CNTNAP3B: variants seen among roughly 807,000 people sequenced by gnomAD.
The protein encoded by CNTNAP3B is contactin-associated protein-like 3B.
Under a neutral mutation model 108.9 loss-of-function variants are expected in CNTNAP3B, and 25 were observed. That is an observed-to-expected ratio of 0.23 (90% CI 0.17 to 0.32). The LOEUF (loss-of-function observed/expected upper bound fraction) is 0.32, where lower values mean the gene tolerates loss of function less well. Among genes scored for constraint, CNTNAP3B ranks in the 10% least tolerant of loss-of-function variants. The pLI is 1.00. For missense variants in CNTNAP3B, 252 were observed against 1,210.4 expected (o/e 0.21, Z 11.75); for synonymous variants, 103 against 473.4 (o/e 0.22, Z 10.16).
At chr9:41,940,809 C>T (rs1461218342) in intron 13 of CNTNAP3B, among the ~76,000 whole-genome samples, 23 of 152,216 alleles carry the variant, frequency 1.5e-4, no homozygotes, top group African/African-American at 5.5e-4. Context: ...AGTGAGACTC[C>T]ATCTCCAAAA....
intron 17 of CNTNAP3B, among the ~76,000 whole-genome samples, chr9:41,921,772 C>G (rs1044500002): frequency 3.3e-5 from 5 of 151,330 alleles, no homozygotes; most frequent in African/African-American, 1.2e-4. Context: ...AAACAAGGAG[C>G]CTGTGATGAG....
At chr9:41,925,461 T>C (rs1304364747) in intron 15 of CNTNAP3B, among the ~76,000 whole-genome samples, 4 of 152,240 alleles carry the variant, frequency 2.6e-5, no homozygotes, top group South Asian at 4.2e-4. Context: ...GGCATGGTGG[T>C]GGGTGCCTGT....
intron 12 of CNTNAP3B, among the ~76,000 whole-genome samples, chr9:41,958,020 C>T (rs1587144697): frequency 6.6e-6 from 1 of 152,280 alleles, no homozygotes; most frequent in South Asian, 2.1e-4. Flanking sequence ...CCTCAGCCTC[C>T]CACAGTGCTG....
intron 1 of CNTNAP3B, among the ~76,000 whole-genome samples, chr9:42,112,650 G>T (rs1325565473): frequency 7.3e-6 from 1 of 136,860 alleles, no homozygotes; most frequent in Non-Finnish European, 1.6e-5. Flanking sequence ...GTTACACGTT[G>T]TCTCTCCTTC....
intron 9 of CNTNAP3B, chr9:41,975,139 G>C (rs1825500910): frequency 5.2e-6 from 1 of 193,548 alleles, no homozygotes; most frequent in South Asian, 7.0e-5. Flanking sequence ...CACCTGCAGG[G>C]GCTTCGAGAC....
chr9:41,952,984 C>A (rs553357563), intron 13 of CNTNAP3B, among the ~76,000 whole-genome samples, 199 bp downstream of exon 13: 1 of 152,350 alleles, frequency 6.6e-6, no homozygotes, highest in African/African-American at 2.4e-5. Context: ...ACGCGCTGAA[C>A]GTCTCTCAAC....
intron 14 of CNTNAP3B, among the ~76,000 whole-genome samples, chr9:41,934,108 T>TATATATATATATATATATATATATAC (rs2118028990): frequency 7.8e-6 from 1 of 127,556 alleles, no homozygotes; most frequent in South Asian, 2.4e-4. Flanking sequence ...TACATATATA[T>TATATATATATATATATATATATATAC]ATATATATAT....
At chr9:41,926,952 C>A (rs1326380036) in intron 15 of CNTNAP3B, among the ~76,000 whole-genome samples, 3 of 152,422 alleles carry the variant, frequency 2.0e-5, no homozygotes, top group Admixed American at 6.5e-5. Context: ...GTCAGAGTAT[C>A]AATAGGCAGG....
At chr9:42,026,261 TC>T (rs376704377) in intron 3 of CNTNAP3B, among the ~76,000 whole-genome samples, 1,493 of 27,512 alleles carry the variant, frequency 0.054, 161 homozygotes, top group East Asian at 0.11. Flanking sequence ...GGATTTTTTT[TC>T]CTTAAAATCT....
At chr9:42,109,391 C>A (rs1177131465) in intron 1 of CNTNAP3B, among the ~76,000 whole-genome samples, 1 of 147,674 alleles carries the variant, frequency 6.8e-6, no homozygotes, top group Admixed American at 6.7e-5. Context: ...TAAACATAAA[C>A]CATGCATTTT....
At chr9:41,941,618 CT>C (rs1824345677) in intron 13 of CNTNAP3B, among the ~76,000 whole-genome samples, 2 of 126,240 alleles carry the variant, frequency 1.6e-5, no homozygotes, top group Non-Finnish European at 3.3e-5. Flanking sequence ...AAAAGCTGCA[CT>C]AACTAAAAAT....
intron 2 of CNTNAP3B, among the ~76,000 whole-genome samples, chr9:42,086,550 T>C (rs1387675563): frequency 8.0e-6 from 1 of 124,924 alleles, no homozygotes; most frequent in South Asian, 2.6e-4. Context: ...GTTCAAGCGA[T>C]TCTCCTGCCT....
In CNTNAP3B at chr9:42,120,550, A is replaced by G. The variant is rs1040568478; in HGVS notation, c.85+8460T>C. On this transcript the variant is annotated intron_variant, in intron 1 of 23. Transcript: ENST00000377561. Reference sequence around the variant, plus strand: ...TATGTTTATTGCGGGACTATTCACAATAGCAAGACTTGGAACCAACCCAAA... The same window carrying G: ...TATGTTTATTGCGGGACTATTCACAGTAGCAAGACTTGGAACCAACCCAAA... 4.3e-5 allele frequency among the ~76,000 whole-genome samples: 6 copies of G among 138,308 alleles called. 1 individual carries two copies. The highest frequency in any genetic ancestry group is 1.4e-4 in the Admixed American group (2 of 13,904). The allele number at this position is 138,308 out of a possible 152,430, so 90.7% of individuals were successfully genotyped here.
At chr9:41,957,846 C>T (rs139000775) in intron 12 of CNTNAP3B, among the ~76,000 whole-genome samples, 17,876 of 145,370 alleles carry the variant, frequency 0.12, 120 homozygotes, top group Middle Eastern at 0.19. Context: ...CTGCAAGCTC[C>T]GCCTCCTGGA....
At chr9:42,110,605 C>CCA (rs1828176455) in intron 1 of CNTNAP3B, among the ~76,000 whole-genome samples, 1 of 137,286 alleles carries the variant, frequency 7.3e-6, no homozygotes, top group Non-Finnish European at 1.5e-5. Context: ...TTCACTAACT[C>CCA]CACAGCAGGC....
At chr9:41,953,143 G>T (rs374492543) in intron 13 of CNTNAP3B, 40 bp downstream of exon 13, 50,483 of 1,474,450 alleles carry the variant, frequency 0.034, 1 homozygote, top group Non-Finnish European at 0.04. Flanking sequence ...GCCGCGCCCC[G>T]GCCTCGTGAG....
At chr9:41,950,735 A>C in intron 13 of CNTNAP3B, among the ~76,000 whole-genome samples, 1 of 147,934 alleles carries the variant, frequency 6.8e-6, no homozygotes, top group Non-Finnish European at 1.5e-5. Context: ...CAATAGAGCA[A>C]TAGGAGGAAT....
intron 12 of CNTNAP3B, among the ~76,000 whole-genome samples, chr9:41,954,705 T>G (rs1328981624): frequency 2.8e-4 from 42 of 152,364 alleles, no homozygotes; most frequent in Non-Finnish European, 5.6e-4. Flanking sequence ...ATTTTTGAGA[T>G]AAGAGTCTCG....
At chr9:42,078,590 T>C (rs976154997) in intron 2 of CNTNAP3B, among the ~76,000 whole-genome samples, 1 of 136,126 alleles carries the variant, frequency 7.3e-6, no homozygotes, top group Non-Finnish European at 1.6e-5. Flanking sequence ...TAACCAACAC[T>C]GTGCATCTGA....
Sources: allele counts gnomAD v4.1 joint callset (sites outside exome capture counted in the v4.1 genomes callset), GRCh38; gene constraint gnomAD v4.1.1; transcripts MANE v1.5; gene names NCBI Gene and HGNC (gene_info 2026-07-23, HGNC 2026-07-21).